Variants in CCNT2 observed in about 807,000 individuals in gnomAD.
CCNT2 encodes cyclin T2.
In CCNT2, 18 loss-of-function variants were observed where a neutral mutation model predicts 70.0. The ratio of observed to expected loss-of-function variants is 0.26; its 90% CI spans 0.18 to 0.38. The LOEUF (loss-of-function observed/expected upper bound fraction) is 0.38, where lower values mean the gene tolerates loss of function less well. CCNT2 is among the 10% of genes least tolerant of loss of function. The pLI, the probability that CCNT2 is intolerant of heterozygous loss-of-function variation, is 1.00. For synonymous variants in CCNT2, 334 were observed against 313.3 expected (o/e 1.07, Z -0.70); for missense variants, 734 against 890.2 (o/e 0.82, Z 2.23).
chr2:134,954,205 A>G lies in CCNT2; in HGVS notation c.1750A>G (p.Ser584Gly). ...KHSHSHSGSS[S>G]GGSKHSADGI... ...TTCCCACTCGCATAGTGGCAGCAGC[A>G]GCGGTGGCAGTAAACACAGTGCCGA... is the stretch of plus-strand genomic sequence containing the variant. Residue 584 changes from serine to glycine, a missense_variant, in exon 9 of 9, where the codon AGC (serine) becomes GGC (glycine). By Grantham distance (56) the Ser-to-Gly change is moderately conservative. Around this residue, in one of 3 missense-constraint regions of CCNT2, gnomAD observed 532 missense variants for 556.9 expected, o/e 0.96. Transcript: ENST00000264157. 6.2e-7 allele frequency: 1 copy of G among 1,614,158 alleles called. No homozygotes were observed. Among genetic ancestry groups the G allele is most frequent in the Non-Finnish European group, 8.5e-7 (1 of 1,180,022 alleles).
In CCNT2 at chr2:134,919,374, G is replaced by A. The variant is rs565981173; in HGVS notation, c.158+362G>A. Reference sequence around the variant, plus strand: ...CCCGAAGGGTTTGAGAGGTAGGAGGGTTAGCGATGCTGAAAGGCCTAAGTG... The same window carrying A: ...CCCGAAGGGTTTGAGAGGTAGGAGGATTAGCGATGCTGAAAGGCCTAAGTG... On this transcript the variant is annotated intron_variant, in intron 1 of 8. Transcript: ENST00000264157. 1.4e-4 allele frequency among the ~76,000 whole-genome samples: 21 copies of A among 152,196 alleles called. 1 individual carries two copies. Among genetic ancestry groups the A allele is most frequent in the Non-Finnish European group, 2.5e-4 (17 of 68,036 alleles).
intron 4 of CCNT2, among the ~76,000 whole-genome samples, chr2:134,940,526 A>G (rs987933627): frequency 6.6e-6 from 1 of 152,174 alleles, no homozygotes; most frequent in African/African-American, 2.4e-5. Context: ...GAAAATGTAA[A>G]TAAACAAATG....
intron 2 of CCNT2, among the ~76,000 whole-genome samples, chr2:134,925,222 T>A (rs4953937): frequency 0.34 from 52,392 of 151,992 alleles, 9,794 homozygotes; most frequent in Middle Eastern, 0.67. Context: ...TTCTTACAAA[T>A]TGGTATTTTT....
chr2:134,940,996 A>G (rs1681541627), intron 4 of CCNT2, among the ~76,000 whole-genome samples: 1 of 152,242 alleles, frequency 6.6e-6, no homozygotes. Flanking sequence ...ACCAGCAGGC[A>G]CAAAAACCTT....
At chr2:134,933,204 A>G (rs1050669748) in intron 2 of CCNT2, among the ~76,000 whole-genome samples, 1 of 152,186 alleles carries the variant, frequency 6.6e-6, no homozygotes, top group Non-Finnish European at 1.5e-5. Context: ...TGGGAGATTT[A>G]ATGTTGAAGA....
Position 134,957,763 on chromosome 2 carries a change from T to C in CCNT2, c.*3115T>C, listed in dbSNP as rs1467293602. On this transcript the variant is annotated 3_prime_UTR_variant, in exon 9 of 9. Coordinates refer to ENST00000264157, the MANE Select transcript of CCNT2 (RefSeq NM_058241.3). ...AGTTAAATGTGCACCTTGGTCTTCC[T>C]CCGTGTGTTCAGATTCCTTCTGGTT... is the stretch of plus-strand genomic sequence containing the variant. 6.6e-6 allele frequency: 1 copy of C among 152,218 alleles called. No homozygotes were observed. The highest frequency in any genetic ancestry group is 1.5e-5 in the Non-Finnish European group (1 of 68,040). The allele number at this position is 152,218 out of a possible 1,614,324, so 9.4% of individuals were successfully genotyped here.
intron 2 of CCNT2, among the ~76,000 whole-genome samples, chr2:134,929,673 G>A (rs1163261000): frequency 2.5e-5 from 3 of 122,316 alleles, no homozygotes; most frequent in Non-Finnish European, 3.3e-5. Flanking sequence ...TTTTTGAGAC[G>A]GAATCTTGCT....
chr2:134,948,527 A>G (rs1233562661), intron 7 of CCNT2, among the ~76,000 whole-genome samples: 1 of 152,106 alleles, frequency 6.6e-6, no homozygotes, highest in Non-Finnish European at 1.5e-5. Flanking sequence ...GTTGCCTTAC[A>G]TTGTTAAATA....
At chr2:134,931,262 C>CTTTTTTTTTTGTTTTTTTTTTTTTTTTTT (rs1680739410) in intron 2 of CCNT2, among the ~76,000 whole-genome samples, 1 of 42,418 alleles carries the variant, frequency 2.4e-5, no homozygotes, top group African/African-American at 7.9e-5. Context: ...ATGCCCGGAT[C>CTTTTTTTTTTGTTTTTTTTTTTTTTTTTT]TTTTTTTTTT....
intron 2 of CCNT2, 113 bp downstream of exon 2, chr2:134,920,004 G>GTA: frequency 1.6e-6 from 1 of 640,284 alleles, no homozygotes; most frequent in Admixed American, 3.0e-5. Flanking sequence ...AACGGTAAAC[G>GTA]TATATCACGT....
chr2:134,945,983 G>C, intron 5 of CCNT2, 118 bp from the exon 6 acceptor site: 1 of 1,592,518 alleles, frequency 6.3e-7, no homozygotes, highest in Non-Finnish European at 8.5e-7. Context: ...TTTGTAAGTA[G>C]TAAGTAAAAT....
At chr2:134,934,880 T>A (rs1681038925) in intron 2 of CCNT2, among the ~76,000 whole-genome samples, 1 of 152,206 alleles carries the variant, frequency 6.6e-6, no homozygotes, top group Non-Finnish European at 1.5e-5. Flanking sequence ...GTTTTAGCAT[T>A]TGAAGGCTTG....
intron 2 of CCNT2, among the ~76,000 whole-genome samples, chr2:134,933,992 G>C (rs902461836): frequency 2.6e-5 from 4 of 152,168 alleles, no homozygotes; most frequent in Non-Finnish European, 5.9e-5. Flanking sequence ...ACTTGAGGCA[G>C]CATGGCTATG....
Position 134,928,630 on chromosome 2 carries a change from G to A in CCNT2, c.241-8211G>A, listed in dbSNP as rs566577983. ...GGGCTATAGTCATTTGTATCCACCA[G>A]CAAATAGAATTACTATTGGCCATTC... On this transcript the variant is annotated intron_variant, in intron 2 of 8. Transcript: ENST00000264157. Among the ~76,000 whole-genome samples the A allele has an allele frequency of 6.6e-5, 10 of 152,058 alleles. No individual in the cohort carries two copies. In the South Asian group the frequency reaches 2.1e-3, roughly 32 times the overall value.
rs1385999416 is a variant in CCNT2 at position 134,956,668 on chromosome 2, A to T, written c.*2020A>T. Reference sequence around the variant, plus strand: ...GTGCTACTGTATAATTGGGGGTGATAATACCAGGAATTTTAATAAGATTTT... The same window carrying T: ...GTGCTACTGTATAATTGGGGGTGATTATACCAGGAATTTTAATAAGATTTT... On this transcript the variant is annotated 3_prime_UTR_variant, in exon 9 of 9. Coordinates refer to ENST00000264157, the MANE Select transcript of CCNT2 (RefSeq NM_058241.3). 6.6e-6 allele frequency: 1 copy of T among 152,492 alleles called. No individual in the cohort carries two copies. Among genetic ancestry groups the T allele is most frequent in the Non-Finnish European group, 1.5e-5 (1 of 68,010 alleles). The allele number at this position is 152,492 out of a possible 1,614,324, so 9.4% of individuals were successfully genotyped here. A position where few individuals can be genotyped will look rare whatever the true frequency, so the allele number is the denominator to read the frequency against.
In CCNT2 at chr2:134,930,379, A is replaced by G. The variant is rs184265787; in HGVS notation, c.241-6462A>G. On this transcript the variant is annotated intron_variant, in intron 2 of 8. Transcript: ENST00000264157. ...TGGCTGTACCTCTTTTTATTTATCC[A>G]TTTATCAGCTGATGGACATTTGGGT... Among the ~76,000 whole-genome samples, 3 of 152,218 alleles carry G rather than the reference A, an allele frequency of 2.0e-5. 1 individual carries two copies. The highest frequency in any genetic ancestry group is 4.8e-5 in the African/African-American group (2 of 41,542).
chr2:134,954,026 A>G lies in CCNT2; in HGVS notation c.1571A>G (p.Lys524Arg). The G allele has an allele frequency of 6.2e-7, 1 of 1,614,178 alleles. No individual in the cohort carries two copies. Among genetic ancestry groups the G allele is most frequent in the Non-Finnish European group, 8.5e-7 (1 of 1,180,008 alleles). Reference sequence around the variant, plus strand: ...AAAAGCGCCAGTAAAGAAGAACTGAAAATGAAAATAAAAGTTTCTTCTTCA... The same window carrying G: ...AAAAGCGCCAGTAAAGAAGAACTGAGAATGAAAATAAAAGTTTCTTCTTCA... Reference protein sequence around the residue: ...TDKSASKEELKMKIKVSSSER... With the variant: ...TDKSASKEELRMKIKVSSSER... The change falls in exon 9 of 9, where the codon AAA becomes AGA. Residue 524 changes from lysine (K) to arginine (R), a missense_variant. This residue lies in a region of CCNT2 where 532 missense variants were observed against 556.9 expected (regional missense o/e 0.96). Transcript: ENST00000264157.
At chr2:134,946,533 C>A in intron 6 of CCNT2, 1 of 403,686 alleles carries the variant, frequency 2.5e-6, no homozygotes, top group Non-Finnish European at 3.4e-6. Context: ...TCACGTTGAT[C>A]CAGTCTTAAC....
At chr2:134,929,707 T>C (rs1233190939) in intron 2 of CCNT2, among the ~76,000 whole-genome samples, 4 of 146,824 alleles carry the variant, frequency 2.7e-5, no homozygotes, top group Non-Finnish European at 6.0e-5. Context: ...TGGAGTGCAG[T>C]GGTGCAATCT....
Sources: gnomAD v4.1 joint callset for allele counts (sites outside exome capture counted in the v4.1 genomes callset) on GRCh38, gnomAD v4.1.1 for gene constraint, gnomAD v4.1.1 regional missense constraint, MANE v1.5 for transcripts, NCBI Gene and HGNC (gene_info 2026-07-23, HGNC 2026-07-21) for gene names.